The following PDE4D variants were observed in gnomAD, a reference collection of about 807,000 sequenced individuals.
PDE4D encodes phosphodiesterase 4D, also known as 3',5'-cyclic-AMP phosphodiesterase 4D.
Under a neutral mutation model 87.4 loss-of-function variants are expected in PDE4D, and 24 were observed. The observed-to-expected ratio is 0.27, with a 90% CI of 0.20 to 0.39. The LOEUF (loss-of-function observed/expected upper bound fraction) is 0.39, where lower values mean the gene tolerates loss of function less well. PDE4D is among the 10% of genes least tolerant of loss of function. The pLI, the probability that PDE4D is intolerant of heterozygous loss-of-function variation, is 1.00. For synonymous variants in PDE4D, 384 were observed against 383.2 expected (o/e 1.00, Z -0.02); for missense variants, 714 against 1,041.0 (o/e 0.69, Z 4.32).
chr5:59,969,659 T>G (rs538775182), intron 3 of PDE4D, among the ~76,000 whole-genome samples: 2 of 152,256 alleles, frequency 1.3e-5, no homozygotes, highest in African/African-American at 4.8e-5. Context: ...AGAAGGTAAT[T>G]GAACCATGGG....
intron 1 of PDE4D, among the ~76,000 whole-genome samples, chr5:59,412,341 GC>G (rs572097023): frequency 6.0e-4 from 92 of 152,212 alleles, no homozygotes; most frequent in Non-Finnish European, 1.1e-3. Context: ...AAATCTAACA[GC>G]TCAACTTTCA....
chr5:60,184,613 A>G (rs1784630543), intron 2 of PDE4D, among the ~76,000 whole-genome samples: 1 of 152,204 alleles, frequency 6.6e-6, no homozygotes, highest in Non-Finnish European at 1.5e-5. Context: ...ATTTTTTAAC[A>G]AACACAGTTG....
chr5:59,081,296 CT>C (rs1166065017), intron 5 of PDE4D, among the ~76,000 whole-genome samples: 1 of 152,070 alleles, frequency 6.6e-6, no homozygotes, highest in Admixed American at 6.6e-5. Context: ...AATTCGGTTA[CT>C]GCCGTTCCTT....
At chr5:60,030,311 G>A (rs891921801) in intron 2 of PDE4D, among the ~76,000 whole-genome samples, 12 of 151,988 alleles carry the variant, frequency 7.9e-5, no homozygotes, top group African/African-American at 1.7e-4. Flanking sequence ...TTAGCCGGGC[G>A]CGGTGGCGGG....
At chr5:59,645,864 CTT>C (rs1189592267) in intron 1 of PDE4D, among the ~76,000 whole-genome samples, 2 of 152,258 alleles carry the variant, frequency 1.3e-5, no homozygotes, top group Non-Finnish European at 1.5e-5. Flanking sequence ...AATTGAGAAA[CTT>C]GATGTAACTT....
chr5:59,748,407 T>C (rs1580850417), intron 1 of PDE4D, among the ~76,000 whole-genome samples: 2 of 152,116 alleles, frequency 1.3e-5, no homozygotes, highest in African/African-American at 4.8e-5. Flanking sequence ...AACCCAAATG[T>C]CCAACAATGA....
intron 3 of PDE4D, among the ~76,000 whole-genome samples, chr5:59,944,896 T>G (rs1757574554): frequency 6.6e-6 from 1 of 152,182 alleles, no homozygotes; most frequent in Non-Finnish European, 1.5e-5. Context: ...CTCTGCAGTC[T>G]TCGCAGAATT....
chr5:59,153,863 C>T (rs754573879), intron 5 of PDE4D, among the ~76,000 whole-genome samples: 63 of 151,842 alleles, frequency 4.1e-4, no homozygotes, highest in Admixed American at 2.0e-3. Context: ...GAGCCTGACT[C>T]GGCCTGAGGA....
At chr5:60,244,517 C>A (rs1488105833) in intron 1 of PDE4D, among the ~76,000 whole-genome samples, 1 of 151,888 alleles carries the variant, frequency 6.6e-6, no homozygotes, top group Non-Finnish European at 1.5e-5. Context: ...AGGAACAAAA[C>A]TGGAGGAATC....
At chr5:59,485,329 C>A (rs1804941127) in intron 1 of PDE4D, among the ~76,000 whole-genome samples, 1 of 152,018 alleles carries the variant, frequency 6.6e-6, no homozygotes, top group Admixed American at 6.6e-5. Flanking sequence ...CTGTACGCCA[C>A]CGTTATTTAT....
chr5:59,503,651 T>C lies in PDE4D; in HGVS notation c.456-287683A>G, dbSNP rs114552061. Among the ~76,000 whole-genome samples, 798 of 152,290 alleles carry C rather than the reference T, an allele frequency of 5.2e-3. 11 individuals carry two copies. The highest frequency in any genetic ancestry group is 0.017 in the African/African-American group (723 of 41,560). On this transcript the variant is annotated intron_variant, in intron 1 of 14. Coordinates refer to ENST00000340635, the MANE Select transcript of PDE4D (RefSeq NM_001104631.2). ...TATATGCTTCTAAATTATTCTACTG[T>C]GTTTCACTATAATTTTCAAGTTTGG...
chr5:59,457,381 T>C (rs1800085643), intron 1 of PDE4D, among the ~76,000 whole-genome samples: 2 of 152,190 alleles, frequency 1.3e-5, no homozygotes. Flanking sequence ...CGTTGTCTTC[T>C]AGACATGCTA....
At chr5:59,726,778 A>G (rs1756655543) in intron 1 of PDE4D, among the ~76,000 whole-genome samples, 1 of 152,158 alleles carries the variant, frequency 6.6e-6, no homozygotes, top group Admixed American at 6.6e-5. Context: ...CAACAGTATG[A>G]AGATATAGTT....
At chr5:60,139,627 G>A (rs1229623297) in intron 2 of PDE4D, among the ~76,000 whole-genome samples, 1 of 151,854 alleles carries the variant, frequency 6.6e-6, no homozygotes, top group Non-Finnish European at 1.5e-5. Context: ...AAGCACGTGA[G>A]CAATAGAGGA....
At chr5:59,178,090 A>T (rs1182152874) in intron 5 of PDE4D, among the ~76,000 whole-genome samples, 1 of 152,040 alleles carries the variant, frequency 6.6e-6, no homozygotes, top group Non-Finnish European at 1.5e-5. Context: ...GAGTGTCTCA[A>T]ATCTTACTAA....
At chr5:59,205,626 GCTGT>G (rs995132255) in intron 2 of PDE4D, among the ~76,000 whole-genome samples, 6 of 145,964 alleles carry the variant, frequency 4.1e-5, no homozygotes, top group Non-Finnish European at 9.0e-5. Context: ...GACTCTCGGT[GCTGT>G]CTAATATGCT....
intron 5 of PDE4D, among the ~76,000 whole-genome samples, chr5:59,149,705 A>ATTTTT (rs1561572681): frequency 2.6e-5 from 1 of 38,870 alleles, no homozygotes; most frequent in Non-Finnish European, 5.1e-5. Context: ...TCTCTCCTCG[A>ATTTTT]GTTTTTTTTT....
intron 1 of PDE4D, chr5:59,592,268 T>C (rs1289415811): frequency 2.5e-6 from 1 of 400,356 alleles, no homozygotes; most frequent in Non-Finnish European, 3.4e-6. Context: ...TCCTGGCAAG[T>C]TCTAGCAAAG....
Position 59,732,426 on chromosome 5 carries a change from ACT to A in PDE4D, c.455+160740_455+160741del, listed in dbSNP as rs1554072564. Among the ~76,000 whole-genome samples, 4 of 148,940 alleles carry A rather than the reference ACT, an allele frequency of 2.7e-5. No homozygotes were observed. In the South Asian group the frequency reaches 6.5e-4, roughly 24 times the overall value. Reference sequence around the variant, plus strand: ...CACACACACACACACACACACACACACTCACTCACGCACAGAGAGAAAGGAAG... The same window carrying A: ...CACACACACACACACACACACACACACACTCACGCACAGAGAGAAAGGAAG... On this transcript the variant is annotated intron_variant, in intron 1 of 14. Coordinates refer to ENST00000340635, the MANE Select transcript of PDE4D (RefSeq NM_001104631.2).
Sources: allele counts gnomAD v4.1 joint callset (sites outside exome capture counted in the v4.1 genomes callset), GRCh38; gene constraint gnomAD v4.1.1; transcripts MANE v1.5; gene names NCBI Gene and HGNC (gene_info 2026-07-23, HGNC 2026-07-21).